HMCN1: variants seen among roughly 807,000 people sequenced by gnomAD.
HMCN1 encodes the protein hemicentin-1.
A neutral mutation model predicts 625.9 loss-of-function variants in HMCN1; 321 were observed. The ratio of observed to expected loss-of-function variants is 0.51; its 90% CI spans 0.47 to 0.56. HMCN1 has a LOEUF of 0.56. Ranked by LOEUF, HMCN1 falls within the 20% of genes least tolerant of loss-of-function variation. The pLI is 0.00. For missense variants in HMCN1, 6,588 were observed against 6,887.3 expected, an observed-to-expected ratio of 0.96 and a Z score of 1.54; for synonymous variants, 2,425 against 2,417.6, an observed-to-expected ratio of 1.00 and a Z score of -0.09.
At chr1:185,971,590 T>A (rs1039124263) in intron 15 of HMCN1, among the ~76,000 whole-genome samples, 6 of 152,250 alleles carry the variant, frequency 3.9e-5, no homozygotes, top group Admixed American at 3.9e-4. Context: ...CTGTTTTTTT[T>A]AAAGCAAAAG....
Position 186,053,020 on chromosome 1 carries a change from C to A in HMCN1, c.6646C>A (p.Leu2216Met). ...AGTCATTGAAGGGAATCTCATTAGT[C>A]TGTTGTGTGAATCAAGTGGTATTCC... ...LTVIEGNLISLLCESSGIPPP... is the reference protein window; with the variant it reads ...LTVIEGNLISMLCESSGIPPP... Residue 2216 changes from leucine to methionine, a missense_variant, in exon 43 of 107, where the codon CTG becomes ATG. Leu to Met is a conservative substitution (Grantham distance 15). Around this residue, in one of 3 missense-constraint regions of HMCN1, gnomAD observed 4,628 missense variants for 4,853.1 expected, o/e 0.95. Transcript: ENST00000271588. The A allele has an allele frequency of 6.2e-7, 1 of 1,609,178 alleles. No homozygotes were observed. The highest frequency in any genetic ancestry group is 8.5e-7 in the Non-Finnish European group (1 of 1,176,182).
intron 86 of HMCN1, 39 bp downstream of exon 86, chr1:186,132,448 G>A (rs1661992204): frequency 1.4e-6 from 2 of 1,421,188 alleles, no homozygotes; most frequent in African/African-American, 2.9e-5. Context: ...ACTTGATTTA[G>A]GAAATATTAC....
chr1:185,958,013 TA>T (rs566330755), intron 11 of HMCN1, among the ~76,000 whole-genome samples: 94 of 152,336 alleles, frequency 6.2e-4, no homozygotes, highest in African/African-American at 2.2e-3. Flanking sequence ...TAGTAAATTT[TA>T]AGTATCTAGA....
chr1:185,789,038 A>T (rs1318268336), intron 1 of HMCN1, among the ~76,000 whole-genome samples: 1 of 152,232 alleles, frequency 6.6e-6, no homozygotes, highest in Non-Finnish European at 1.5e-5. Context: ...TTTTATTAAA[A>T]TTCCCAAAGA....
rs533735853 is a variant in HMCN1 at position 185,739,777 on chromosome 1, G to A, written c.268+4730G>A. On this transcript the variant is annotated intron_variant, in intron 1 of 106. Coordinates refer to ENST00000271588, the MANE Select transcript of HMCN1 (RefSeq NM_031935.3). ...AAAGAAAACAATTAAAATATATATG[G>A]TATTTTTGATGATGATAATTGGTAT... Among the ~76,000 whole-genome samples the A allele has an allele frequency of 1.2e-4, 18 of 152,186 alleles. No individual in the cohort carries two copies. The South Asian group carries it at 3.3e-3, about 28-fold the overall frequency.
At chr1:185,740,978 A>C (rs1264215319) in intron 1 of HMCN1, among the ~76,000 whole-genome samples, 1 of 152,160 alleles carries the variant, frequency 6.6e-6, no homozygotes, top group Non-Finnish European at 1.5e-5. Flanking sequence ...TGGGCAATAG[A>C]GGAAGACTCT....
chr1:185,925,110 C>T lies in HMCN1; in HGVS notation c.1349C>T (p.Pro450Leu). Reference sequence around the variant, plus strand: ...TACTATCTGCAGCCGGGCCAAATTCCCTGCTCTGTTGACAGTCTTTTGCCC... The same window carrying T: ...TACTATCTGCAGCCGGGCCAAATTCTCTGCTCTGTTGACAGTCTTTTGCCC... Reference protein sequence around the residue: ...PGYYLQPGQIPCSVDSLLPFT... With the variant: ...PGYYLQPGQILCSVDSLLPFT... The change falls in exon 9 of 107, where the codon CCC becomes CTC. Residue 450 changes from proline (P) to leucine (L), a missense_variant. Around this residue, in one of 3 missense-constraint regions of HMCN1, gnomAD observed 4,628 missense variants for 4,853.1 expected, o/e 0.95. Coordinates refer to ENST00000271588, the MANE Select transcript of HMCN1 (RefSeq NM_031935.3). The T allele has an allele frequency of 6.2e-7, 1 of 1,613,882 alleles. No individual in the cohort carries two copies. Among genetic ancestry groups the T allele is most frequent in the Non-Finnish European group, 8.5e-7 (1 of 1,179,846 alleles).
At chr1:185,834,945 T>A (rs73072077) in intron 1 of HMCN1, among the ~76,000 whole-genome samples, 10,814 of 152,162 alleles carry the variant, frequency 0.071, 1,241 homozygotes, top group African/African-American at 0.24. Flanking sequence ...AGAAAAAATA[T>A]AAATAAAAAT....
At chr1:185,808,349 A>T (rs919335742) in intron 1 of HMCN1, among the ~76,000 whole-genome samples, 1 of 152,062 alleles carries the variant, frequency 6.6e-6, no homozygotes, top group African/African-American at 2.4e-5. Context: ...TCTGTCTCAA[A>T]AAATAAATAA....
rs116658218 is a variant in HMCN1, at chr1:185,847,308, A to G, written c.339+1212A>G. Among the ~76,000 whole-genome samples the G allele has an allele frequency of 4.7e-3, 714 of 152,294 alleles. 6 individuals carry two copies. The highest frequency in any genetic ancestry group is 0.016 in the African/African-American group (678 of 41,576). On this transcript the variant is annotated intron_variant, in intron 2 of 106. Transcript: ENST00000271588. ...GACACTTTGAGTCTCTGGTGAATTC[A>G]TAGCCACCTAACTCAAATGGACTCT...
chr1:185,748,755 C>A (rs139328420), intron 1 of HMCN1, among the ~76,000 whole-genome samples: 1 of 152,260 alleles, frequency 6.6e-6, no homozygotes, highest in African/African-American at 2.4e-5. Flanking sequence ...GTGAGAATAA[C>A]AATCATACTT....
At chr1:186,169,423 A>C (rs7552106) in intron 100 of HMCN1, among the ~76,000 whole-genome samples, 6 of 152,058 alleles carry the variant, frequency 3.9e-5, no homozygotes, top group African/African-American at 1.4e-4. Context: ...GAGGCATCAC[A>C]CTACCTGACT....
intron 1 of HMCN1, among the ~76,000 whole-genome samples, chr1:185,804,025 T>A (rs1375229594): frequency 6.6e-6 from 1 of 152,094 alleles, no homozygotes; most frequent in African/African-American, 2.4e-5. Context: ...ATGTGTGAAT[T>A]GGTACAGAAA....
chr1:185,890,131 G>C (rs1181867243), intron 4 of HMCN1, among the ~76,000 whole-genome samples: 1 of 151,676 alleles, frequency 6.6e-6, no homozygotes, highest in Non-Finnish European at 1.5e-5. Context: ...ATGGTAGTTT[G>C]TATTTCTGTG....
At position 186,189,603 on chromosome 1, in the gene HMCN1, A is replaced by G. The variant is rs779587543; in HGVS notation, c.16633A>G (p.Ile5545Val). The change falls in exon 107 of 107, where the codon ATA (isoleucine) becomes GTA (valine). Residue 5545 changes from isoleucine to valine, a missense_variant. Physicochemically the swap from Ile to Val is conservative, Grantham distance 29. This residue lies in a region of HMCN1 where 1,954 missense variants were observed against 2,013.1 expected (regional missense o/e 0.97). Transcript: ENST00000271588. ...CAAACTCGTCTCCCTCCCATTTGGA[A>G]TAGCCACCAATCAAGATTTAATCCG... ...EYKLVSLPFG[I>V]ATNQDLIRLV... The G allele has an allele frequency of 1.2e-6, 2 of 1,613,562 alleles. No homozygotes were observed. Among genetic ancestry groups the G allele is most frequent in the Non-Finnish European group, 1.7e-6 (2 of 1,179,654 alleles).
At chr1:185,909,884 TTA>T (rs2102451693) in intron 5 of HMCN1, among the ~76,000 whole-genome samples, 2 of 152,242 alleles carry the variant, frequency 1.3e-5, no homozygotes, top group African/African-American at 4.8e-5. Context: ...CAAGTAACTC[TTA>T]AAATAACTAA....
chr1:185,888,692 T>C (rs1351859750), intron 4 of HMCN1, among the ~76,000 whole-genome samples: 2 of 147,440 alleles, frequency 1.4e-5, no homozygotes, highest in Admixed American at 1.3e-4. Context: ...ACCAGTACCA[T>C]GCTGTTTTGG....
intron 11 of HMCN1, among the ~76,000 whole-genome samples, chr1:185,951,014 T>TTA (rs1304136720): frequency 6.6e-6 from 1 of 151,498 alleles, no homozygotes; most frequent in Non-Finnish European, 1.5e-5. Context: ...GCTTTAATCT[T>TTA]TTTAAAGCGT....
At position 186,136,690 on chromosome 1, in the gene HMCN1, G is replaced by A. The variant is rs778436737; in HGVS notation, c.13335G>A (p.Glu4445=). 5 of 1,613,736 alleles carry A rather than the reference G, an allele frequency of 3.1e-6. No homozygotes were observed. Among genetic ancestry groups the A allele is most frequent in the African/African-American group, 2.7e-5 (2 of 74,848 alleles). Residue 4445 remains glutamate (E), a synonymous_variant, in exon 87 of 107, where the codon GAG becomes GAA. Transcript: ENST00000271588. ...TLQSPPIITL[E]PVETVINAGG... ...TAGGTCCTCCTATTATCACTCTTGA[G>A]CCAGTGGAAACTGTTATTAATGCTG...
Sources: gnomAD v4.1 joint callset for allele counts (sites outside exome capture counted in the v4.1 genomes callset) on GRCh38, gnomAD v4.1.1 for gene constraint, gnomAD v4.1.1 regional missense constraint, MANE v1.5 for transcripts, NCBI Gene and HGNC (gene_info 2026-07-23, HGNC 2026-07-21) for gene names.